Variants in EPB41L4B observed in about 807,000 individuals in gnomAD.
EPB41L4B encodes erythrocyte membrane protein band 4.1 like 4B, also known as band 4.1-like protein 4B.
Under a neutral mutation model 112.5 loss-of-function variants are expected in EPB41L4B, and 30 were observed. The ratio of observed to expected loss-of-function variants is 0.27; its 90% confidence interval spans 0.20 to 0.36. The LOEUF (loss-of-function observed/expected upper bound fraction) is 0.36, where lower values mean the gene tolerates loss of function less well. EPB41L4B is among the 10% of genes least tolerant of loss of function. The pLI, the probability that EPB41L4B is intolerant of heterozygous loss-of-function variation, is 1.00. For missense variants in EPB41L4B, 1,024 were observed against 1,133.3 expected (o/e 0.90, Z 1.38); for synonymous variants, 408 against 439.7 (o/e 0.93, Z 0.90).
intron 1 of EPB41L4B, among the ~76,000 whole-genome samples, chr9:109,285,881 C>T (rs1230258107): frequency 1.3e-5 from 2 of 152,256 alleles, no homozygotes; most frequent in Non-Finnish European, 2.9e-5. Flanking sequence ...TCTACTCCTG[C>T]CCCCGGAGAA....
intron 1 of EPB41L4B, among the ~76,000 whole-genome samples, chr9:109,288,395 C>A (rs540363925): frequency 2.0e-5 from 3 of 152,062 alleles, no homozygotes; most frequent in Non-Finnish European, 4.4e-5. Context: ...CCAACCTGGG[C>A]AAGACAGGGA....
In EPB41L4B at chr9:109,181,201, T is replaced by C. The variant is rs541878822; in HGVS notation, c.2487+1528A>G. Among the ~76,000 whole-genome samples the C allele has an allele frequency of 7.2e-4, 109 of 151,990 alleles. 4 individuals are homozygous for C. The South Asian group carries it at 0.022, about 31-fold the overall frequency. On this transcript the variant is annotated intron_variant, in intron 24 of 25. Coordinates refer to ENST00000374566, the MANE Select transcript of EPB41L4B (RefSeq NM_019114.5). ...TTATTTTGTAGGGACAGGGTCTCTC[T>C]ATGTTGCCCAGGTTGATCTCGAACT... is the stretch of plus-strand genomic sequence containing the variant.
At chr9:109,241,211 TG>T in intron 15 of EPB41L4B, 3 of 986,248 alleles carry the variant, frequency 3.0e-6, no homozygotes, top group Non-Finnish European at 3.6e-6. Flanking sequence ...TCTTTTCAGA[TG>T]GGGAAAATGA....
intron 14 of EPB41L4B, among the ~76,000 whole-genome samples, chr9:109,246,487 A>G (rs1275810549): frequency 6.6e-6 from 1 of 152,218 alleles, no homozygotes; most frequent in Non-Finnish European, 1.5e-5. Context: ...AGATACTTTA[A>G]TATACTGATA....
chr9:109,220,601 T>A (rs1482669284), intron 15 of EPB41L4B, among the ~76,000 whole-genome samples: 1 of 152,188 alleles, frequency 6.6e-6, no homozygotes, highest in Middle Eastern at 3.4e-3. Flanking sequence ...GGAGGAGGTG[T>A]CATTGAGGAC....
At chr9:109,175,523 C>T (rs1029273344) in intron 25 of EPB41L4B, among the ~76,000 whole-genome samples, 5 of 121,354 alleles carry the variant, frequency 4.1e-5, no homozygotes, top group African/African-American at 1.4e-4. Flanking sequence ...AGAGTAAATA[C>T]ACATCTTTTC....
In EPB41L4B at chr9:109,279,896, A is replaced by G; in HGVS notation, c.332T>C (p.Phe111Ser). 6.2e-7 allele frequency: 1 copy of G among 1,614,130 alleles called. No individual in the cohort carries two copies. The highest frequency in any genetic ancestry group is 8.5e-7 in the Non-Finnish European group (1 of 1,180,006). Residue 111 changes from phenylalanine to serine, a missense_variant, in exon 2 of 26, where the codon TTT becomes TCT. By Grantham distance (155) the Phe-to-Ser change is radical. Coordinates refer to ENST00000374566, the MANE Select transcript of EPB41L4B (RefSeq NM_019114.5). ...LPKHAKGQDL[F>S]DQIVYHLDLV... The stretch of plus-strand genomic sequence containing the variant: ...GTCCAAGTGGTACACAATCTGATCA[A>G]ACAAATCCTGGCCTTTGGCATGTTT...
At chr9:109,234,622 G>A (rs562265999) in intron 15 of EPB41L4B, among the ~76,000 whole-genome samples, 7 of 152,298 alleles carry the variant, frequency 4.6e-5, no homozygotes, top group Admixed American at 3.3e-4. Flanking sequence ...CCCAGTATTT[G>A]GGGAGGCCAA....
chr9:109,228,912 C>A (rs1833867244), intron 15 of EPB41L4B, among the ~76,000 whole-genome samples: 1 of 152,178 alleles, frequency 6.6e-6, no homozygotes, highest in Non-Finnish European at 1.5e-5. Context: ...TCTAAATTCA[C>A]AGCCCATGTA....
intron 6 of EPB41L4B, 104 bp downstream of exon 6, chr9:109,262,946 T>C (rs1342046335): frequency 2.6e-6 from 2 of 784,246 alleles, no homozygotes; most frequent in Non-Finnish European, 4.1e-6. Context: ...TATTCATTTA[T>C]ATCCCCAAAG....
intron 17 of EPB41L4B, among the ~76,000 whole-genome samples, chr9:109,212,532 A>T (rs1394649979): frequency 6.6e-6 from 1 of 152,172 alleles, no homozygotes; most frequent in Non-Finnish European, 1.5e-5. Context: ...TCCATTAGTA[A>T]TCAGAGGAAC....
chr9:109,311,461 G>A (rs561082321), intron 1 of EPB41L4B, among the ~76,000 whole-genome samples: 170 of 152,226 alleles, frequency 1.1e-3, no homozygotes, highest in Middle Eastern at 6.8e-3. Flanking sequence ...CATTCCACCC[G>A]GGGGGACTGA....
chr9:109,203,319 A>G (rs1206944824), intron 19 of EPB41L4B, among the ~76,000 whole-genome samples: 1 of 152,112 alleles, frequency 6.6e-6, no homozygotes, highest in African/African-American at 2.4e-5. Flanking sequence ...GGCCTCCTGC[A>G]CTCTGTTAAG....
chr9:109,278,893 A>C (rs958768976), intron 2 of EPB41L4B, among the ~76,000 whole-genome samples: 2 of 152,246 alleles, frequency 1.3e-5, no homozygotes, highest in Non-Finnish European at 2.9e-5. Flanking sequence ...GCTTTTAAAA[A>C]GAGTGGGTCT....
intron 1 of EPB41L4B, among the ~76,000 whole-genome samples, chr9:109,303,138 A>G (rs997450703): frequency 5.0e-4 from 76 of 152,028 alleles, no homozygotes; most frequent in African/African-American, 1.7e-3. Context: ...GGGTATACAT[A>G]GTATGATCCC....
intron 15 of EPB41L4B, among the ~76,000 whole-genome samples, chr9:109,238,296 C>T (rs751496853): frequency 3.9e-5 from 6 of 152,154 alleles, no homozygotes; most frequent in East Asian, 1.9e-4. Flanking sequence ...ATGCCTCAAA[C>T]GAGAACACAG....
At chr9:109,194,502 T>C in intron 20 of EPB41L4B, 105 bp from the exon 21 acceptor site, 1 of 1,240,126 alleles carries the variant, frequency 8.1e-7, no homozygotes, top group Non-Finnish European at 1.1e-6. Flanking sequence ...GGATGGGGAT[T>C]GGGGGTTCCC....
chr9:109,204,670 T>G (rs763592879), intron 18 of EPB41L4B, among the ~76,000 whole-genome samples: 11 of 151,786 alleles, frequency 7.2e-5, no homozygotes, highest in South Asian at 2.1e-4. Context: ...TTGTTTCATA[T>G]TTTTTTTGTA....
chr9:109,297,597 T>C (rs1836783937), intron 1 of EPB41L4B, among the ~76,000 whole-genome samples: 2 of 152,232 alleles, frequency 1.3e-5, no homozygotes, highest in African/African-American at 4.8e-5. Flanking sequence ...AGCCAGGGCC[T>C]CTGCCCAGGA....
Sources: allele counts gnomAD v4.1 joint callset (sites outside exome capture counted in the v4.1 genomes callset), GRCh38; gene constraint gnomAD v4.1.1; transcripts MANE v1.5; gene names NCBI Gene and HGNC (gene_info 2026-07-23, HGNC 2026-07-21).